RGS16: variants seen among roughly 807,000 people sequenced by gnomAD.
RGS16 encodes the protein hRGS-r.
RGS16 carries 12 observed loss-of-function variants against 18.1 expected under a neutral mutation model. That is an observed-to-expected ratio of 0.66 (90% CI 0.42 to 1.07). The LOEUF (loss-of-function observed/expected upper bound fraction) is 1.07, where lower values mean the gene tolerates loss of function less well. Ranked by LOEUF, RGS16 falls within the 50% of genes least tolerant of loss-of-function variation. RGS16 has a pLI of 0.00. For missense variants in RGS16, 238 were observed against 249.2 expected, an observed-to-expected ratio of 0.95 and a Z score of 0.30; for synonymous variants, 88 against 102.0, an observed-to-expected ratio of 0.86 and a Z score of 0.83.
chr1:182,602,352 G>C, intron 3 of RGS16, 68 bp downstream of exon 3: 8 of 1,389,278 alleles, frequency 5.8e-6, no homozygotes, highest in Non-Finnish European at 8.1e-6. Context: ...AGCAGTCCTG[G>C]GGCTGGCTCC....
chr1:182,604,232 T>TG lies in RGS16; in HGVS notation c.27dup (p.Thr10HisfsTer38). On this transcript the variant is annotated frameshift_variant, in exon 1 of 5. Coordinates refer to ENST00000367558, the MANE Select transcript of RGS16 (RefSeq NM_002928.4). LOFTEE classifies it high-confidence loss of function. ...TCCCCTTACCTCTCCAGGCAGGTGG[T>TG]GGGGAAGGCGGCCAGGGTGCGGCAC... is the stretch of plus-strand genomic sequence containing the variant. 1.9e-6 allele frequency: 3 copies of TG among 1,551,770 alleles called. No homozygotes were observed. The Admixed American group carries it at 5.9e-5, about 30-fold the overall frequency.
intron 1 of RGS16, among the ~76,000 whole-genome samples, chr1:182,603,865 C>G (rs1430501795): frequency 5.3e-5 from 8 of 152,076 alleles, no homozygotes; most frequent in African/African-American, 1.7e-4. Flanking sequence ...AGGCAATGCC[C>G]CTAGCTCTGG....
chr1:182,600,305 G>A lies in RGS16; in HGVS notation c.596C>T (p.Pro199Leu). The A allele has an allele frequency of 6.2e-7, 1 of 1,613,722 alleles. No individual in the cohort carries two copies. The highest frequency in any genetic ancestry group is 1.1e-5 in the South Asian group (1 of 91,050). Residue 199 changes from proline to leucine, a missense_variant, in exon 5 of 5, where the codon CCC becomes CTC. Transcript: ENST00000367558. ...TGCCGTGGAGACTCAGGTGTGTGAG[G>A]GCTCGTCCAGGCTGCAGCTGGACAG... ...ATLSSCSLDE[P>L]SHT
rs376647062 is a variant in RGS16 at position 182,602,062 on chromosome 1, G to A, written c.291C>T (p.Ala97=). The A allele has an allele frequency of 2.1e-4, 341 of 1,614,018 alleles. No individual in the cohort carries two copies. The highest frequency in any genetic ancestry group is 2.8e-4 in the Non-Finnish European group (330 of 1,180,032). The change falls in exon 4 of 5, where the codon GCC becomes GCT. Residue 97 remains alanine (A), a synonymous_variant. Transcript: ENST00000367558. Reference sequence around the variant, plus strand: ...ATCGGATCTTCTTGAACTCCTCACAGGCCAGCCAGAACTCCAGGTTCTCCT... The same window carrying A: ...ATCGGATCTTCTTGAACTCCTCACAAGCCAGCCAGAACTCCAGGTTCTCCT... ...FSEENLEFWL[A]CEEFKKIRSA... is the part of the protein sequence containing the mutation.
chr1:182,603,376 A>G (rs571835738), intron 1 of RGS16, 37 bp from the exon 2 acceptor site: 2 of 1,554,926 alleles, frequency 1.3e-6, no homozygotes, highest in African/African-American at 2.7e-5. Context: ...GCATTCTCTC[A>G]TTTGCTCAGC....
At chr1:182,603,376 A>C in intron 1 of RGS16, 37 bp from the exon 2 acceptor site, 40 of 1,554,890 alleles carry the variant, frequency 2.6e-5, no homozygotes, top group Non-Finnish European at 3.2e-5. Context: ...GCATTCTCTC[A>C]TTTGCTCAGC....
At chr1:182,600,563 T>A in intron 4 of RGS16, 50 bp from the exon 5 acceptor site, 1 of 1,531,750 alleles carries the variant, frequency 6.5e-7, no homozygotes, top group Non-Finnish European at 9.0e-7. Context: ...AGGGTGGGCA[T>A]GGCTGAGGGA....
chr1:182,603,218 G>C lies in RGS16; in HGVS notation c.155+11C>G, dbSNP rs1661896126. The stretch of plus-strand genomic sequence containing the variant: ...CCCTCTCGGAGCCCTGAGCTGGTCA[G>C]CAACACTTACTTCTCTTTGCTGTGT... On this transcript the variant is annotated intron_variant, in intron 2 of 4. Coordinates refer to ENST00000367558, the MANE Select transcript of RGS16 (RefSeq NM_002928.4). 1 of 1,593,236 alleles carries C rather than the reference G, an allele frequency of 6.3e-7. No individual in the cohort carries two copies. The highest frequency in any genetic ancestry group is 1.3e-5 in the African/African-American group (1 of 74,594).
At chr1:182,602,176 C>G in intron 3 of RGS16, 44 bp from the exon 4 acceptor site, 1 of 1,597,342 alleles carries the variant, frequency 6.3e-7, no homozygotes, top group Non-Finnish European at 8.6e-7. Flanking sequence ...GCTGGAGGGA[C>G]AGCAGGGAAT....
intron 1 of RGS16, among the ~76,000 whole-genome samples, chr1:182,603,965 A>G (rs1661909657): frequency 1.3e-5 from 2 of 152,294 alleles, no homozygotes; most frequent in African/African-American, 4.8e-5. Flanking sequence ...CCGGGTCTTC[A>G]GCAGGTCACC....
Position 182,600,580 on chromosome 1 carries a change from A to G in RGS16, c.388-67T>C, listed in dbSNP as rs1483550304. On this transcript the variant is annotated intron_variant, in intron 4 of 4. Transcript: ENST00000367558. The stretch of plus-strand genomic sequence containing the variant: ...GGTGGGCATGGCTGAGGGAGGGCCA[A>G]CGGCAGGCTGGGCATTGGAAAGAGC... 5.3e-6 allele frequency: 7 copies of G among 1,327,054 alleles called. No homozygotes were observed. In the African/African-American group the frequency reaches 5.8e-5, roughly 11 times the overall value. 82.2% of individuals were successfully genotyped at this position (1,327,054 alleles called of 1,614,324 possible).
rs1231704531 is a variant in RGS16 at position 182,601,957 on chromosome 1, G to C, written c.387+9C>G. The C allele has an allele frequency of 1.9e-6, 3 of 1,614,092 alleles. No individual in the cohort carries two copies. In the East Asian group the frequency reaches 6.7e-5, roughly 36 times the overall value. On this transcript the variant is annotated intron_variant, in intron 4 of 4. Transcript: ENST00000367558. ...CGTGAGGATTCACTGGGCATATGGG[G>C]GCTCTAACCTCTTTAGGGGCCTCAC...
chr1:182,603,465 C>T, intron 1 of RGS16, 126 bp from the exon 2 acceptor site: 1 of 690,612 alleles, frequency 1.4e-6, no homozygotes, highest in Non-Finnish European at 2.5e-6. Flanking sequence ...TTCCTGGAAA[C>T]TCTTGGCTGT....
rs1326264640 is a variant in RGS16 at position 182,599,388 on chromosome 1, G to C, written c.*904C>G. ...TTTCTGCCTTGTTCCACACTGCGGG[G>C]CATGAGAGCTGGAAAAGCCACTCCC... On this transcript the variant is annotated 3_prime_UTR_variant, in exon 5 of 5. Coordinates refer to ENST00000367558, the MANE Select transcript of RGS16 (RefSeq NM_002928.4). 6.6e-6 allele frequency: 1 copy of C among 152,270 alleles called. No individual in the cohort carries two copies. Among genetic ancestry groups the C allele is most frequent in the Non-Finnish European group, 1.5e-5 (1 of 68,090 alleles). The allele number at this position is 152,270 out of a possible 1,614,324, so 9.4% of individuals were successfully genotyped here.
intron 4 of RGS16, 119 bp from the exon 5 acceptor site, chr1:182,600,632 G>T (rs765211952): frequency 9.1e-6 from 7 of 769,194 alleles, no homozygotes; most frequent in Middle Eastern, 6.8e-4. Context: ...GGAAGTGGGG[G>T]CTCCTGAGTT....
rs970909010 is a variant in RGS16, at chr1:182,600,156, A to ATTTT, written c.*132_*135dup. On this transcript the variant is annotated 3_prime_UTR_variant, in exon 5 of 5. Coordinates refer to ENST00000367558, the MANE Select transcript of RGS16 (RefSeq NM_002928.4). ...CTTCCCAAACAGGCTGCTGGAGCGC[A>ATTTT]TTTTTTTTTTTTTTTTTTTTTTTTT... 2.5e-4 allele frequency: 84 copies of ATTTT among 330,018 alleles called. 9 individuals carry two copies. In the African/African-American group the frequency reaches 2.7e-3, roughly 11 times the overall value. 20.4% of individuals were successfully genotyped at this position (330,018 alleles called of 1,614,324 possible). A position where few individuals can be genotyped will look rare whatever the true frequency, so the allele number is the denominator to read the frequency against.
At position 182,600,114 on chromosome 1, in the gene RGS16, T is replaced by C. The variant is rs1388677212; in HGVS notation, c.*178A>G. The C allele has an allele frequency of 1.6e-6, 1 of 611,004 alleles. No homozygotes were observed. The allele number at this position is 611,004 out of a possible 1,614,324, so 37.8% of individuals were successfully genotyped here. ...TCTCCAGCATGAGTCCCACAGTATC[T>C]GAAGGAGAGACTGCTGCTTCCCAAA... On this transcript the variant is annotated 3_prime_UTR_variant, in exon 5 of 5. Coordinates refer to ENST00000367558, the MANE Select transcript of RGS16 (RefSeq NM_002928.4).
In RGS16 at chr1:182,602,087, T is replaced by C. The variant is rs1661874527; in HGVS notation, c.266A>G (p.Glu89Gly). 6 of 1,614,154 alleles carry C rather than the reference T, an allele frequency of 3.7e-6. 1 individual carries two copies. In the East Asian group the frequency reaches 1.3e-4, roughly 36 times the overall value. Residue 89 changes from glutamate to glycine, a missense_variant, in exon 4 of 5, where the codon GAG (glutamate) becomes GGG (glycine). Coordinates refer to ENST00000367558, the MANE Select transcript of RGS16 (RefSeq NM_002928.4). ...FHAFLKTEFS[E>G]ENLEFWLACE... is the part of the protein sequence containing the mutation. ...GGCCAGCCAGAACTCCAGGTTCTCC[T>C]CACTGAACTCTGTCTTCAGGAAAGC...
chr1:182,602,211 A>C, intron 3 of RGS16, 79 bp from the exon 4 acceptor site: 1 of 1,458,766 alleles, frequency 6.9e-7, no homozygotes, highest in Non-Finnish European at 9.5e-7. Flanking sequence ...AAGCAATTGC[A>C]ATTAATGGCT....
Sources: gnomAD v4.1 joint callset for allele counts (sites outside exome capture counted in the v4.1 genomes callset) on GRCh38, gnomAD v4.1.1 for gene constraint, MANE v1.5 for transcripts, NCBI Gene and HGNC (gene_info 2026-07-23, HGNC 2026-07-21) for gene names.